PIGK: variants seen among roughly 807,000 people sequenced by gnomAD.
PIGK encodes phosphatidylinositol glycan anchor biosynthesis class K.
PIGK carries 42 observed loss-of-function variants against 50.6 expected under a neutral mutation model. That is an observed-to-expected ratio of 0.83 (90% CI 0.65 to 1.07). PIGK has a LOEUF of 1.07. Among genes scored for constraint, PIGK ranks in the 50% least tolerant of loss-of-function variants. The probability of loss-of-function intolerance (pLI) is 0.00; values close to 1 mark genes in which losing one functional copy is unlikely to be tolerated. For synonymous variants in PIGK, 151 were observed against 156.0 expected, an observed-to-expected ratio of 0.97 and a Z score of 0.24; for missense variants, 448 against 488.7, an observed-to-expected ratio of 0.92 and a Z score of 0.78.
chr1:77,099,904 G>C (rs559758045), intron 10 of PIGK, among the ~76,000 whole-genome samples: 2 of 152,056 alleles, frequency 1.3e-5, no homozygotes, highest in Non-Finnish European at 2.9e-5. Flanking sequence ...GGTGAAAAGC[G>C]TACATAAAAC....
intron 9 of PIGK, among the ~76,000 whole-genome samples, chr1:77,127,501 C>G (rs1042437525): frequency 3.3e-5 from 5 of 152,118 alleles, no homozygotes; most frequent in African/African-American, 1.2e-4. Flanking sequence ...GAATTAGATA[C>G]CAGCCTGGGT....
chr1:77,129,246 A>T (rs1211394782), intron 9 of PIGK: 72 of 1,609,418 alleles, frequency 4.5e-5, no homozygotes, highest in Non-Finnish European at 5.9e-5. Context: ...ACAAAAAGCC[A>T]CGAAGTATCT....
chr1:77,101,090 A>C (rs1406110034), intron 10 of PIGK, among the ~76,000 whole-genome samples: 1 of 152,188 alleles, frequency 6.6e-6, no homozygotes, highest in Non-Finnish European at 1.5e-5. Context: ...TTCACAAATA[A>C]ATCTGCCAAA....
intron 5 of PIGK, among the ~76,000 whole-genome samples, chr1:77,165,069 T>G (rs1042452078): frequency 1.3e-5 from 2 of 152,132 alleles, no homozygotes; most frequent in Non-Finnish European, 2.9e-5. Context: ...GTAAACCAAA[T>G]GGATGCAACT....
At position 77,091,182 on chromosome 1, in the gene PIGK, T is replaced by C. The variant is rs1451914042; in HGVS notation, c.*1192A>G. 1 of 152,200 alleles carries C rather than the reference T, an allele frequency of 6.6e-6. No individual in the cohort carries two copies. The highest frequency in any genetic ancestry group is 2.4e-5 in the African/African-American group (1 of 41,462). 9.4% of individuals were successfully genotyped at this position (152,200 alleles called of 1,614,324 possible). ...CCCCCCAGACATAAATACTTAACTT[T>C]TAGGCTTTTCCTCTACTCATATGCA... On this transcript the variant is annotated 3_prime_UTR_variant, in exon 11 of 11. Transcript: ENST00000370812.
Position 77,169,252 on chromosome 1 carries a change from G to T in PIGK, c.375+8C>A, listed in dbSNP as rs1351349406. 3.3e-6 allele frequency: 5 copies of T among 1,526,066 alleles called. No individual in the cohort carries two copies. Among genetic ancestry groups the T allele is most frequent in the African/African-American group, 2.8e-5 (2 of 71,344 alleles). The allele number at this position is 1,526,066 out of a possible 1,614,324, so 94.5% of individuals were successfully genotyped here. On this transcript the variant is annotated splice_region_variant and intron_variant, in intron 4 of 10. Transcript: ENST00000370812. ...ATTTTAAAAATGTGGCTAGATTAAAGAATTTACCTCGTAACTTCTATAATC... is the reference window on the plus strand; with the variant it reads ...ATTTTAAAAATGTGGCTAGATTAAATAATTTACCTCGTAACTTCTATAATC...
chr1:77,196,645 C>T (rs1367420138), intron 3 of PIGK, among the ~76,000 whole-genome samples: 2 of 152,004 alleles, frequency 1.3e-5, no homozygotes, highest in Non-Finnish European at 2.9e-5. Context: ...ATATCCTTTG[C>T]CCAGTTTTTA....
chr1:77,123,628 T>C (rs1465502426), intron 9 of PIGK, among the ~76,000 whole-genome samples: 1 of 151,588 alleles, frequency 6.6e-6, no homozygotes, highest in African/African-American at 2.4e-5. Flanking sequence ...TGCCAGGAGC[T>C]GGGAGGAGGG....
intron 3 of PIGK, among the ~76,000 whole-genome samples, chr1:77,174,490 G>T (rs962456620): frequency 2.8e-4 from 43 of 152,192 alleles, no homozygotes; most frequent in African/African-American, 1.0e-3. Flanking sequence ...CCGACTTTGG[G>T]GAGTATCGGA....
chr1:77,116,179 A>T (rs1653956706), intron 10 of PIGK, among the ~76,000 whole-genome samples: 1 of 151,574 alleles, frequency 6.6e-6, no homozygotes, highest in Non-Finnish European at 1.5e-5. Context: ...TGAATCTCTC[A>T]CACATCTTTC....
chr1:77,116,562 C>CTGTGTGTGTG (rs763119489), intron 10 of PIGK, among the ~76,000 whole-genome samples: 146 of 135,072 alleles, frequency 1.1e-3, no homozygotes, highest in African/African-American at 4.0e-3. Context: ...AAATGTGTCT[C>CTGTGTGTGTG]TGTGTGTGTG....
rs370648466 is a variant in PIGK at position 77,135,089 on chromosome 1, T to G, written c.987-12730A>C. ...AGTTGGTCTTAAAGAGAATGCTTAT[T>G]CCCTAATTGTTCAATTTCTTGGCTC... On this transcript the variant is annotated intron_variant, in intron 9 of 10. Coordinates refer to ENST00000370812, the MANE Select transcript of PIGK (RefSeq NM_005482.3). Among the ~76,000 whole-genome samples the G allele has an allele frequency of 1.0e-3, 154 of 152,280 alleles. 2 individuals are homozygous for G. Among genetic ancestry groups the G allele is most frequent in the African/African-American group, 3.5e-3 (145 of 41,574 alleles).
intron 3 of PIGK, among the ~76,000 whole-genome samples, chr1:77,188,417 G>C (rs1655803693): frequency 6.6e-6 from 1 of 152,156 alleles, no homozygotes; most frequent in Admixed American, 6.5e-5. Flanking sequence ...TTATTAGGAA[G>C]AGGAAATTCC....
At chr1:77,150,180 C>A (rs1255475409) in intron 9 of PIGK, among the ~76,000 whole-genome samples, 1 of 151,844 alleles carries the variant, frequency 6.6e-6, no homozygotes, top group Non-Finnish European at 1.5e-5. Context: ...TTAAAGAACT[C>A]AAAAATCAAG....
At chr1:77,165,141 A>G (rs1456240995) in intron 5 of PIGK, among the ~76,000 whole-genome samples, 1 of 152,130 alleles carries the variant, frequency 6.6e-6, no homozygotes, top group Non-Finnish European at 1.5e-5. Flanking sequence ...ATCAAATCCT[A>G]TCTTCAACTA....
intron 3 of PIGK, among the ~76,000 whole-genome samples, chr1:77,188,835 TA>T (rs1655820814): frequency 6.6e-6 from 1 of 152,148 alleles, no homozygotes. Flanking sequence ...CCTATGTGAT[TA>T]TCGGGGCAGG....
chr1:77,136,936 T>G (rs1398084444), intron 9 of PIGK, among the ~76,000 whole-genome samples: 1 of 152,242 alleles, frequency 6.6e-6, no homozygotes, highest in Non-Finnish European at 1.5e-5. Flanking sequence ...TGAGAAATCT[T>G]ACAAAAATCA....
intron 10 of PIGK, among the ~76,000 whole-genome samples, chr1:77,095,059 A>C (rs765436563): frequency 4.6e-5 from 7 of 152,172 alleles, no homozygotes; most frequent in Non-Finnish European, 7.4e-5. Context: ...TGCTCTTTGC[A>C]GTTGCTATGT....
At chr1:77,102,217 T>A (rs922298889) in intron 10 of PIGK, among the ~76,000 whole-genome samples, 1 of 152,188 alleles carries the variant, frequency 6.6e-6, no homozygotes, top group African/African-American at 2.4e-5. Flanking sequence ...AGGAGAGGCA[T>A]CCACTGAAGA....
Sources: gnomAD v4.1 joint callset for allele counts (sites outside exome capture counted in the v4.1 genomes callset) on GRCh38, gnomAD v4.1.1 for gene constraint, MANE v1.5 for transcripts, NCBI Gene and HGNC (gene_info 2026-07-23, HGNC 2026-07-21) for gene names.